DRD2: variants seen among roughly 807,000 people sequenced by gnomAD.
DRD2 encodes the protein dopamine receptor D2, also known as D(2) dopamine receptor.
In DRD2, 8 loss-of-function variants were observed where a neutral mutation model predicts 38.0. The ratio of observed to expected loss-of-function variants is 0.21; its 90% CI spans 0.12 to 0.38. The LOEUF (loss-of-function observed/expected upper bound fraction) is 0.38, where lower values mean the gene tolerates loss of function less well. Ranked by LOEUF, DRD2 falls within the 10% of genes least tolerant of loss-of-function variation. The pLI, the probability that DRD2 is intolerant of heterozygous loss-of-function variation, is 1.00. For missense variants in DRD2, 403 were observed against 607.7 expected, an observed-to-expected ratio of 0.66 and a Z score of 3.54; for synonymous variants, 230 against 238.6, an observed-to-expected ratio of 0.96 and a Z score of 0.33.
In DRD2 at chr11:113,424,728, G is replaced by C. The variant is rs955265887; in HGVS notation, c.-31-46C>G. 1.9e-6 allele frequency: 3 copies of C among 1,582,034 alleles called. No homozygotes were observed. In the African/African-American group the frequency reaches 4.0e-5, roughly 21 times the overall value. On this transcript the variant is annotated intron_variant, in intron 1 of 7. Transcript: ENST00000362072. ...CAAGGTGTCAGTGAGAGGGCCTCTT[G>C]CAGAGGTCTCCAGGAAGAAGACCAA...
intron 1 of DRD2, among the ~76,000 whole-genome samples, chr11:113,429,591 C>T (rs1024028696): frequency 6.6e-6 from 1 of 152,120 alleles, no homozygotes; most frequent in South Asian, 2.1e-4. Flanking sequence ...TGGTTTCTAT[C>T]GTGTCTTCAG....
intron 1 of DRD2, among the ~76,000 whole-genome samples, chr11:113,446,345 G>A (rs17529477): frequency 0.23 from 35,729 of 152,162 alleles, 4,993 homozygotes; most frequent in Middle Eastern, 0.41. Flanking sequence ...TGTCAGAACT[G>A]GAGAAAACAC....
At chr11:113,463,026 G>A (rs1230379072) in intron 1 of DRD2, among the ~76,000 whole-genome samples, 3 of 152,110 alleles carry the variant, frequency 2.0e-5, no homozygotes, top group Non-Finnish European at 4.4e-5. Flanking sequence ...GCATATGCAC[G>A]TCACGTGATA....
At chr11:113,441,125 C>A (rs377431285) in intron 1 of DRD2, among the ~76,000 whole-genome samples, 44 of 152,292 alleles carry the variant, frequency 2.9e-4, no homozygotes, top group African/African-American at 1.1e-3. Flanking sequence ...GTGCAAATAA[C>A]CCTCCAATGG....
chr11:113,472,970 G>A (rs1951444241), intron 1 of DRD2, among the ~76,000 whole-genome samples: 1 of 152,170 alleles, frequency 6.6e-6, no homozygotes, highest in African/African-American at 2.4e-5. Flanking sequence ...GATTTAATCA[G>A]GGGGATGGTC....
chr11:113,451,460 A>G (rs888092907), intron 1 of DRD2, among the ~76,000 whole-genome samples: 1 of 152,116 alleles, frequency 6.6e-6, no homozygotes, highest in Non-Finnish European at 1.5e-5. Context: ...ATATGTATAT[A>G]TATAATTTTT....
intron 1 of DRD2, among the ~76,000 whole-genome samples, chr11:113,457,692 CCT>C (rs1015367591): frequency 6.6e-6 from 1 of 152,188 alleles, no homozygotes; most frequent in African/African-American, 2.4e-5. Flanking sequence ...GAGAGCTGCC[CCT>C]GAGCTCTGTC....
chr11:113,423,735 C>A (rs1397055692), intron 2 of DRD2, among the ~76,000 whole-genome samples: 1 of 152,178 alleles, frequency 6.6e-6, no homozygotes, highest in African/African-American at 2.4e-5. Flanking sequence ...AGTGACTACA[C>A]AATTCTTCCT....
chr11:113,413,009 G>T lies in DRD2; in HGVS notation c.811-126C>A, dbSNP rs4986920. The T allele has an allele frequency of 3.4e-3, 3,712 of 1,097,446 alleles. 90 individuals carry two copies. The African/African-American group carries it at 0.049, about 15-fold the overall frequency. 68.0% of individuals were successfully genotyped at this position (1,097,446 alleles called of 1,614,324 possible). Reference sequence around the variant, plus strand: ...CAAACACCACAGGGTCACCCTGCCAGGGAGGCAAGGATGTCACTGAGGCAT... The same window carrying T: ...CAAACACCACAGGGTCACCCTGCCATGGAGGCAAGGATGTCACTGAGGCAT... On this transcript the variant is annotated intron_variant, in intron 6 of 7. Coordinates refer to ENST00000362072, the MANE Select transcript of DRD2 (RefSeq NM_000795.4).
intron 6 of DRD2, among the ~76,000 whole-genome samples, chr11:113,413,127 T>C (rs1012495496): frequency 6.6e-6 from 1 of 152,228 alleles, no homozygotes; most frequent in African/African-American, 2.4e-5. Context: ...ACTTCTGTTC[T>C]GCCAGGGCTG....
intron 1 of DRD2, among the ~76,000 whole-genome samples, chr11:113,446,493 T>C (rs1951150399): frequency 6.6e-6 from 1 of 152,200 alleles, no homozygotes; most frequent in Non-Finnish European, 1.5e-5. Flanking sequence ...TTTTCACAGA[T>C]AATGCCAATG....
chr11:113,453,938 G>T (rs539160654), intron 1 of DRD2, among the ~76,000 whole-genome samples: 2 of 152,324 alleles, frequency 1.3e-5, no homozygotes, highest in East Asian at 3.9e-4. Flanking sequence ...TTGATGGGGG[G>T]CTGGGGGGAG....
chr11:113,420,263 T>G (rs947133009), intron 2 of DRD2, among the ~76,000 whole-genome samples: 1 of 152,216 alleles, frequency 6.6e-6, no homozygotes, highest in African/African-American at 2.4e-5. Flanking sequence ...AATTACTGTG[T>G]TCCAGCCTCT....
intron 1 of DRD2, among the ~76,000 whole-genome samples, chr11:113,455,961 A>G (rs1951264880): frequency 6.6e-6 from 1 of 152,382 alleles, no homozygotes; most frequent in African/African-American, 2.4e-5. Flanking sequence ...AACTAAGATC[A>G]GCACATTGAA....
intron 2 of DRD2, among the ~76,000 whole-genome samples, chr11:113,420,888 C>T (rs1288311403): frequency 2.0e-5 from 3 of 152,146 alleles, no homozygotes; most frequent in Non-Finnish European, 4.4e-5. Flanking sequence ...CTTTTCTTCA[C>T]ACCCCCAGGC....
At chr11:113,461,034 C>T (rs1331828511) in intron 1 of DRD2, among the ~76,000 whole-genome samples, 3 of 152,228 alleles carry the variant, frequency 2.0e-5, no homozygotes, top group South Asian at 2.1e-4. Flanking sequence ...AGCTATGGAC[C>T]GGGTCATCAG....
chr11:113,447,672 TG>T (rs1565673341), intron 1 of DRD2: 1 of 152,056 alleles, frequency 6.6e-6, no homozygotes, highest in Non-Finnish European at 1.5e-5. Context: ...CAGACAGACA[TG>T]GGGCGGGGTG....
chr11:113,459,348 A>G (rs1473237478), intron 1 of DRD2, among the ~76,000 whole-genome samples: 3 of 152,212 alleles, frequency 2.0e-5, no homozygotes, highest in Non-Finnish European at 2.9e-5. Flanking sequence ...GCAGCTCTGG[A>G]TGGACAAAGG....
At position 113,415,596 on chromosome 11, in the gene DRD2, A is replaced by T. The variant is rs1203831599; in HGVS notation, c.548T>A (p.Ile183Asn). ...GACCACGAAGGCCGGGTTGGCAATG[A>T]TGCACTCGTTCTGGTCTGGGGGAGG... ...GLNNADQNEC[I>N]IANPAFVVYS... The change falls in exon 5 of 8, where the codon ATC (isoleucine) becomes AAC (asparagine). Residue 183 changes from isoleucine (I) to asparagine (N), a missense_variant. Ile to Asn is a moderately radical substitution (Grantham distance 149). Coordinates refer to ENST00000362072, the MANE Select transcript of DRD2 (RefSeq NM_000795.4). 3 of 1,613,506 alleles carry T rather than the reference A, an allele frequency of 1.9e-6. No homozygotes were observed. The highest frequency in any genetic ancestry group is 2.5e-6 in the Non-Finnish European group (3 of 1,179,748).
Sources: allele counts gnomAD v4.1 joint callset (sites outside exome capture counted in the v4.1 genomes callset), GRCh38; gene constraint gnomAD v4.1.1; transcripts MANE v1.5; gene names NCBI Gene and HGNC (gene_info 2026-07-23, HGNC 2026-07-21).